DDHD2: variants seen among roughly 807,000 people sequenced by gnomAD.
DDHD2 encodes triacylglycerol hydrolase DDHD2.
In DDHD2, 62 loss-of-function variants were observed where a neutral mutation model predicts 91.2. The observed-to-expected ratio is 0.68, with a 90% CI of 0.55 to 0.84. The LOEUF (loss-of-function observed/expected upper bound fraction) is 0.84. DDHD2 is among the 40% of genes least tolerant of loss of function. DDHD2 has a pLI of 0.00. For missense variants in DDHD2, 740 were observed against 846.9 expected, an observed-to-expected ratio of 0.87 and a Z score of 1.57; for synonymous variants, 271 against 293.9, an observed-to-expected ratio of 0.92 and a Z score of 0.80.
At chr8:38,240,131 T>C in intron 5 of DDHD2, 144 bp from the exon 6 acceptor site, 1 of 393,750 alleles carries the variant, frequency 2.5e-6, no homozygotes, top group South Asian at 7.6e-5. Flanking sequence ...GTATTTTTGC[T>C]AGGTACTTAA....
At position 38,245,825 on chromosome 8, in the gene DDHD2, A is replaced by G. The variant is rs1424015798; in HGVS notation, c.932A>G (p.Asn311Ser). The change falls in exon 8 of 18, where the codon AAT becomes AGT. Residue 311 changes from asparagine to serine, a missense_variant. Transcript: ENST00000397166. ...ACAATTCTGGATGTCTTCTTCTACAATAGTCCCACCTACTGTCAGACTATT... is the reference window on the plus strand; with the variant it reads ...ACAATTCTGGATGTCTTCTTCTACAGTAGTCCCACCTACTGTCAGACTATT... ...NDTILDVFFYNSPTYCQTIVD... is the reference protein window; with the variant it reads ...NDTILDVFFYSSPTYCQTIVD... 5.6e-6 allele frequency: 9 copies of G among 1,614,150 alleles called. No individual in the cohort carries two copies. Among genetic ancestry groups the G allele is most frequent in the African/African-American group, 1.3e-5 (1 of 75,042 alleles).
rs1007195392 is a variant in DDHD2, at chr8:38,240,157, C to G, written c.623-118C>G. ...AGGTACTTAAAGGACTATTTTGTAT[C>G]TTTTAAATTATCTGTTCATCTTTTA... On this transcript the variant is annotated intron_variant, in intron 5 of 17. Transcript: ENST00000397166. 15 of 498,634 alleles carry G rather than the reference C, an allele frequency of 3.0e-5. No individual in the cohort carries two copies. In the Admixed American group the frequency reaches 4.9e-4, roughly 16 times the overall value. The allele number at this position is 498,634 out of a possible 1,614,324, so 30.9% of individuals were successfully genotyped here. A position where few individuals can be genotyped will look rare whatever the true frequency, so the allele number is the denominator to read the frequency against.
intron 7 of DDHD2, among the ~76,000 whole-genome samples, chr8:38,243,319 C>T (rs1177542338): frequency 6.6e-6 from 1 of 152,186 alleles, no homozygotes; most frequent in African/African-American, 2.4e-5. Flanking sequence ...GGCACTCACA[C>T]CTTTTTCTGC....
chr8:38,266,109 G>A (rs1008319050), downstream of DDHD2: 1 of 1,601,750 alleles, frequency 6.2e-7, no homozygotes, highest in East Asian at 2.2e-5. Flanking sequence ...AGTGAAATAT[G>A]CAAGCTTCCA....
downstream of DDHD2, chr8:38,267,118 C>G: frequency 6.6e-7 from 1 of 1,513,114 alleles, no homozygotes; most frequent in South Asian, 1.3e-5. Flanking sequence ...AAGGCTCAGA[C>G]TTGTTAAACT....
At chr8:38,251,688 T>C (rs1806119791) in intron 11 of DDHD2, 2 of 383,382 alleles carry the variant, frequency 5.2e-6, no homozygotes, top group Admixed American at 4.1e-5. Flanking sequence ...CCAAGGGTCC[T>C]TTCAAACCAG....
downstream of DDHD2, chr8:38,263,563 C>T (rs1049265635): frequency 9.1e-6 from 9 of 985,134 alleles, no homozygotes; most frequent in Admixed American, 6.2e-5. Context: ...TTTATGCCCA[C>T]GGTGTTCAAA....
At chr8:38,238,360 G>C in intron 5 of DDHD2, 151 bp downstream of exon 5, 9 of 1,432,124 alleles carry the variant, frequency 6.3e-6, no homozygotes, top group Non-Finnish European at 8.2e-6. Context: ...GCATCACTTC[G>C]TCTACTAAGA....
Position 38,242,310 on chromosome 8 carries a change from A to G in DDHD2, c.773A>G (p.Glu258Gly). The G allele has an allele frequency of 8.7e-6, 14 of 1,608,176 alleles. No homozygotes were observed. The highest frequency in any genetic ancestry group is 1.2e-5 in the Non-Finnish European group (14 of 1,178,450). ...CAGACACATTTTAAGAAAGCCCAAG[A>G]AAATCAGCAGATTGGGAGGGTAGAA... The part of the protein sequence containing the change: ...LLQTHFKKAQ[E>G]NQQIGRVEFL... Residue 258 changes from glutamate (E) to glycine (G), a missense_variant, in exon 7 of 18, where the codon GAA (glutamate) becomes GGA (glycine). Physicochemically the swap from Glu to Gly is moderately conservative, Grantham distance 98. Coordinates refer to ENST00000397166, the MANE Select transcript of DDHD2 (RefSeq NM_015214.3).
chr8:38,256,173 T>G (rs1412549715), intron 16 of DDHD2, among the ~76,000 whole-genome samples: 1 of 152,178 alleles, frequency 6.6e-6, no homozygotes, highest in Non-Finnish European at 1.5e-5. Flanking sequence ...CCTCCCTTCT[T>G]TTCTCTTCCC....
intron 1 of DDHD2, among the ~76,000 whole-genome samples, chr8:38,232,604 A>C (rs1804367890): frequency 6.6e-6 from 1 of 152,236 alleles, no homozygotes; most frequent in South Asian, 2.1e-4. Flanking sequence ...ACAGGGCATG[A>C]CCCAGCTGAC....
downstream of DDHD2, chr8:38,264,684 G>A: frequency 6.9e-7 from 1 of 1,449,292 alleles, no homozygotes; most frequent in East Asian, 2.5e-5. Context: ...AGAGGACCTG[G>A]CCCTCCAGGA....
intron 16 of DDHD2, 79 bp downstream of exon 16, chr8:38,253,797 A>G: frequency 7.0e-7 from 1 of 1,435,666 alleles, no homozygotes; most frequent in Non-Finnish European, 9.6e-7. Context: ...AAAGGAGGAT[A>G]GGCCAGGTGC....
chr8:38,259,559 T>C (rs1806809983), intron 16 of DDHD2, among the ~76,000 whole-genome samples: 1 of 152,196 alleles, frequency 6.6e-6, no homozygotes, highest in Non-Finnish European at 1.5e-5. Flanking sequence ...CTAATTTTTG[T>C]ATTTTTAGTA....
At chr8:38,248,957 A>C (rs540734883) in intron 10 of DDHD2, among the ~76,000 whole-genome samples, 88 of 151,474 alleles carry the variant, frequency 5.8e-4, no homozygotes, top group African/African-American at 1.8e-3. Context: ...AAAAAAAAAA[A>C]AAAAACGATG....
intron 7 of DDHD2, 101 bp from the exon 8 acceptor site, chr8:38,245,641 C>T: frequency 1.9e-6 from 2 of 1,079,710 alleles, no homozygotes; most frequent in Non-Finnish European, 2.7e-6. Flanking sequence ...TATAAATCGA[C>T]AATTGTTTGT....
chr8:38,251,014 G>C (rs890201052), intron 11 of DDHD2: 3 of 152,052 alleles, frequency 2.0e-5, no homozygotes, highest in Admixed American at 6.6e-5. Context: ...CAGTTTTTCT[G>C]GTCACTGAAT....
Position 38,251,431 on chromosome 8 carries a change from C to T in DDHD2, c.1345-481C>T, listed in dbSNP as rs10095245. 889 of 152,968 alleles carry T rather than the reference C, an allele frequency of 5.8e-3. 7 individuals are homozygous for T. Among genetic ancestry groups the T allele is most frequent in the African/African-American group, 0.019 (799 of 41,552 alleles). The allele number at this position is 152,968 out of a possible 1,614,324, so 9.5% of individuals were successfully genotyped here. ...GGCCCAGCCCATCGACATCCTACTT[C>T]CCTTGATTACAGAGGCACAGCACTT... On this transcript the variant is annotated intron_variant, in intron 11 of 17. Coordinates refer to ENST00000397166, the MANE Select transcript of DDHD2 (RefSeq NM_015214.3).
At chr8:38,253,843 G>A in intron 16 of DDHD2, 125 bp downstream of exon 16, 2 of 941,330 alleles carry the variant, frequency 2.1e-6, no homozygotes, top group Non-Finnish European at 3.2e-6. Context: ...ACTTTGGGAG[G>A]CCAAGGTGGG....
Sources: gnomAD v4.1 joint callset for allele counts (sites outside exome capture counted in the v4.1 genomes callset) on GRCh38, gnomAD v4.1.1 for gene constraint, MANE v1.5 for transcripts, NCBI Gene and HGNC (gene_info 2026-07-23, HGNC 2026-07-21) for gene names.